The following DNAJC1 variants were observed in gnomAD, a reference collection of about 807,000 sequenced individuals.
DNAJC1 encodes the protein dnaJ homolog subfamily C member 1.
A neutral mutation model predicts 76.6 loss-of-function variants in DNAJC1; 58 were observed. That is an observed-to-expected ratio of 0.76 (90% CI 0.61 to 0.94). The LOEUF (loss-of-function observed/expected upper bound fraction) is 0.94. DNAJC1 is among the 40% of genes least tolerant of loss of function. The pLI is 0.00. For missense variants in DNAJC1, 689 were observed against 677.3 expected (o/e 1.02, Z -0.19); for synonymous variants, 258 against 267.9 (o/e 0.96, Z 0.36).
In DNAJC1 at chr10:21,756,649, T is replaced by C. The variant is rs376592306; in HGVS notation, c.*38A>G. 91 of 1,514,050 alleles carry C rather than the reference T, an allele frequency of 6.0e-5. No individual in the cohort carries two copies. Among genetic ancestry groups the C allele is most frequent in the Non-Finnish European group, 7.7e-5 (84 of 1,090,412 alleles). The allele number at this position is 1,514,050 out of a possible 1,614,324, so 93.8% of individuals were successfully genotyped here. On this transcript the variant is annotated 3_prime_UTR_variant, in exon 12 of 12. Transcript: ENST00000376980. ...CTGCATAAGATTTTTAAGATATTCA[T>C]TTTGGAAAATGAAGGTGAACATCAT...
intron 3 of DNAJC1, among the ~76,000 whole-genome samples, chr10:21,928,238 C>T (rs1045196594): frequency 1.3e-5 from 2 of 152,094 alleles, no homozygotes; most frequent in Admixed American, 6.5e-5. Context: ...GGCATAAACA[C>T]TCATGTTAAA....
intron 9 of DNAJC1, among the ~76,000 whole-genome samples, chr10:21,797,107 A>T (rs529936613): frequency 6.6e-6 from 1 of 152,088 alleles, no homozygotes; most frequent in Non-Finnish European, 1.5e-5. Flanking sequence ...TTAATCCATT[A>T]AAAAAATTTT....
intron 8 of DNAJC1, among the ~76,000 whole-genome samples, chr10:21,868,978 CAGGGCTTAAA>C: frequency 6.6e-6 from 1 of 152,084 alleles, no homozygotes; most frequent in African/African-American, 2.4e-5. Context: ...AAGAAAGGAA[CAGGGCTTAAA>C]GGAAATCAAA....
At chr10:21,908,532 G>A (rs1202535865) in intron 6 of DNAJC1, among the ~76,000 whole-genome samples, 1 of 145,886 alleles carries the variant, frequency 6.9e-6, no homozygotes, top group South Asian at 2.1e-4. Context: ...TAATAAAATC[G>A]TTTAATGGGA....
intron 8 of DNAJC1, among the ~76,000 whole-genome samples, chr10:21,876,116 T>A (rs888344933): frequency 1.4e-5 from 2 of 143,102 alleles, no homozygotes; most frequent in African/African-American, 5.1e-5. Context: ...AAAACGTTAA[T>A]TTTTTTTTTT....
At chr10:21,804,816 T>C (rs1047511262) in intron 9 of DNAJC1, among the ~76,000 whole-genome samples, 1 of 152,028 alleles carries the variant, frequency 6.6e-6, no homozygotes, top group African/African-American at 2.4e-5. Flanking sequence ...ATATATATAA[T>C]TTAAAATTCT....
chr10:21,915,319 G>A (rs972934508), intron 6 of DNAJC1, among the ~76,000 whole-genome samples: 1 of 152,158 alleles, frequency 6.6e-6, no homozygotes, highest in African/African-American at 2.4e-5. Flanking sequence ...CTTACCAGAC[G>A]ACCTTATGTA....
chr10:21,934,663 T>C (rs1258332189), intron 1 of DNAJC1, among the ~76,000 whole-genome samples: 2 of 152,194 alleles, frequency 1.3e-5, no homozygotes, highest in African/African-American at 4.8e-5. Flanking sequence ...TACAGTAACA[T>C]GCTACACAGG....
At chr10:21,834,388 C>T (rs892987359) in intron 8 of DNAJC1, among the ~76,000 whole-genome samples, 2 of 152,232 alleles carry the variant, frequency 1.3e-5, no homozygotes, top group African/African-American at 4.8e-5. Context: ...CAGCTACCAG[C>T]GTGAGCAACG....
At chr10:21,894,038 T>C (rs1007384339) in intron 7 of DNAJC1, among the ~76,000 whole-genome samples, 6 of 152,142 alleles carry the variant, frequency 3.9e-5, no homozygotes, top group Non-Finnish European at 8.8e-5. Flanking sequence ...TACATGTATT[T>C]GACAACTTAG....
intron 9 of DNAJC1, among the ~76,000 whole-genome samples, chr10:21,784,044 T>C (rs1345805989): frequency 1.3e-5 from 2 of 152,108 alleles, no homozygotes; most frequent in African/African-American, 4.8e-5. Flanking sequence ...AAGCCAAAAT[T>C]GACAAATGGG....
At chr10:21,956,049 C>T (rs963625045) in intron 1 of DNAJC1, among the ~76,000 whole-genome samples, 2 of 152,144 alleles carry the variant, frequency 1.3e-5, no homozygotes, top group Non-Finnish European at 2.9e-5. Context: ...CCCGAGACTG[C>T]GTAATTTATA....
At chr10:21,997,887 G>A (rs1282684895) in intron 1 of DNAJC1, among the ~76,000 whole-genome samples, 2 of 152,122 alleles carry the variant, frequency 1.3e-5, no homozygotes, top group Non-Finnish European at 2.9e-5. Context: ...ACATTTTCTA[G>A]CTACATAAAT....
intron 1 of DNAJC1, among the ~76,000 whole-genome samples, chr10:21,957,577 T>C (rs916833469): frequency 5.9e-5 from 9 of 152,226 alleles, no homozygotes; most frequent in Admixed American, 3.3e-4. Flanking sequence ...TTCTGTACTA[T>C]ATCAAATTGG....
intron 9 of DNAJC1, among the ~76,000 whole-genome samples, chr10:21,802,045 T>C (rs1006569890): frequency 6.6e-6 from 1 of 152,166 alleles, no homozygotes; most frequent in Non-Finnish European, 1.5e-5. Context: ...GCTTAATACC[T>C]GGGTGATGAA....
At chr10:21,954,310 T>A (rs767504548) in intron 1 of DNAJC1, among the ~76,000 whole-genome samples, 18 of 152,186 alleles carry the variant, frequency 1.2e-4, no homozygotes, top group Non-Finnish European at 2.4e-4. Flanking sequence ...ACTCTCAGGA[T>A]GTAGTCATAA....
At position 21,790,233 on chromosome 10, in the gene DNAJC1, G is replaced by A. The variant is rs1330872680; in HGVS notation, c.1098+15747C>T. Among the ~76,000 whole-genome samples the A allele has an allele frequency of 2.7e-5, 4 of 150,718 alleles. No homozygotes were observed. The South Asian group carries it at 6.3e-4, about 24-fold the overall frequency. On this transcript the variant is annotated intron_variant, in intron 9 of 11. Coordinates refer to ENST00000376980, the MANE Select transcript of DNAJC1 (RefSeq NM_022365.4). ...TGTTCATATTATGGAAGTTCCAGAA[G>A]GAGAAGACATGGAAAAAGGCATAAA...
At chr10:21,971,553 C>A (rs988213500) in intron 1 of DNAJC1, among the ~76,000 whole-genome samples, 1 of 151,716 alleles carries the variant, frequency 6.6e-6, no homozygotes, top group Non-Finnish European at 1.5e-5. Flanking sequence ...AAAACAGGGA[C>A]AATTTTTTAA....
At chr10:21,925,289 G>T (rs889391832) in intron 3 of DNAJC1, among the ~76,000 whole-genome samples, 3 of 152,154 alleles carry the variant, frequency 2.0e-5, no homozygotes, top group Non-Finnish European at 4.4e-5. Context: ...TGGGATTACA[G>T]GTGTGAGCCA....
Sources: gnomAD v4.1 joint callset for allele counts (sites outside exome capture counted in the v4.1 genomes callset) on GRCh38, gnomAD v4.1.1 for gene constraint, MANE v1.5 for transcripts, NCBI Gene and HGNC (gene_info 2026-07-23, HGNC 2026-07-21) for gene names.